The following ARAP2 variants were observed in gnomAD, a reference collection of about 807,000 sequenced individuals.
The protein encoded by ARAP2 is ArfGAP with RhoGAP domain, ankyrin repeat and PH domain 2, also known as arf-GAP with Rho-GAP domain, ANK repeat and PH domain-containing protein 2.
In ARAP2, 148 loss-of-function variants were observed where a neutral mutation model predicts 194.5. The ratio of observed to expected loss-of-function variants is 0.76; its 90% confidence interval spans 0.67 to 0.87. The LOEUF (loss-of-function observed/expected upper bound fraction) is 0.87. ARAP2 is among the 40% of genes least tolerant of loss of function. The pLI is 0.00. For synonymous variants in ARAP2, 695 were observed against 683.5 expected (o/e 1.02, Z -0.26); for missense variants, 2,128 against 1,989.7 (o/e 1.07, Z -1.32).
chr4:36,230,420 C>T (rs562648448), intron 1 of ARAP2, among the ~76,000 whole-genome samples: 1 of 152,178 alleles, frequency 6.6e-6, no homozygotes, highest in Non-Finnish European at 1.5e-5. Flanking sequence ...AAACAGGCAG[C>T]ATTGTATGTA....
At chr4:36,014,295 A>AAGAAG (rs1553861835) in intron 8 of ARAP2, among the ~76,000 whole-genome samples, 35 of 143,350 alleles carry the variant, frequency 2.4e-4, no homozygotes, top group African/African-American at 9.3e-4. Flanking sequence ...GAAAGAAAGA[A>AAGAAG]AGAAGAGAAG....
rs970703282 is a variant in ARAP2 at position 36,187,063 on chromosome 4, C to T, written c.1678+388G>A. Among the ~76,000 whole-genome samples, 6 of 152,330 alleles carry T rather than the reference C, an allele frequency of 3.9e-5. No individual in the cohort carries two copies. The South Asian group carries it at 6.2e-4, about 16-fold the overall frequency. On this transcript the variant is annotated intron_variant, in intron 8 of 32. Transcript: ENST00000303965. Reference sequence around the variant, plus strand: ...AAAGGTTGGGAACCACTGAGCCTGCCATAAATGTCCATATAACCAACTTAA... The same window carrying T: ...AAAGGTTGGGAACCACTGAGCCTGCTATAAATGTCCATATAACCAACTTAA...
Position 36,128,517 on chromosome 4 carries a change from T to A in ARAP2, c.3640+16A>T, listed in dbSNP as rs766961321. 4.9e-5 allele frequency: 59 copies of A among 1,214,918 alleles called. No homozygotes were observed. The highest frequency in any genetic ancestry group is 4.1e-4 in the Middle Eastern group (2 of 4,914). The allele number at this position is 1,214,918 out of a possible 1,614,324, so 75.3% of individuals were successfully genotyped here. ...ACACACACACACATATCTACAAATA[T>A]CTGTATAAATATTACCTAAAGCAGA... is the stretch of plus-strand genomic sequence containing the variant. On this transcript the variant is annotated intron_variant, in intron 21 of 32. Coordinates refer to ENST00000303965, the MANE Select transcript of ARAP2 (RefSeq NM_015230.4).
Position 36,121,244 on chromosome 4 carries a change from C to T in ARAP2, c.3829G>A (p.Gly1277Arg). 6.2e-7 allele frequency: 1 copy of T among 1,604,208 alleles called. No individual in the cohort carries two copies. Among genetic ancestry groups the T allele is most frequent in the Non-Finnish European group, 8.5e-7 (1 of 1,174,250 alleles). ...VFSSCLFQTK[G>R]QTSEEVNVIE... Reference sequence around the variant, plus strand: ...ACATTCACTTCTTCACTAGTTTGTCCCTTCGTTTGAAACAAACAGGATGAA... The same window carrying T: ...ACATTCACTTCTTCACTAGTTTGTCTCTTCGTTTGAAACAAACAGGATGAA... The change falls in exon 23 of 33, where the codon GGA (glycine) becomes AGA (arginine). Residue 1277 changes from glycine to arginine, a missense_variant. By Grantham distance (125) the Gly-to-Arg change is moderately radical (BLOSUM62 -2). Coordinates refer to ENST00000303965, the MANE Select transcript of ARAP2 (RefSeq NM_015230.4).
chr4:36,235,289 A>G (rs1033518492), intron 1 of ARAP2, among the ~76,000 whole-genome samples: 18 of 152,156 alleles, frequency 1.2e-4, no homozygotes, highest in African/African-American at 3.6e-4. Flanking sequence ...ATCACTCCCT[A>G]TGACTTCCAA....
In ARAP2 at chr4:36,155,703, C is replaced by T. The variant is rs1352612292; in HGVS notation, c.2752+3027G>A. Among the ~76,000 whole-genome samples the T allele has an allele frequency of 3.3e-5, 5 of 150,818 alleles. No individual in the cohort carries two copies. The East Asian group carries it at 7.8e-4, about 23-fold the overall frequency. ...TTTAGACCGAGTCTCGCTGTGTCTC[C>T]CAGGCTGGAAGTGCAGTGGCGCAAT... On this transcript the variant is annotated intron_variant, in intron 15 of 32. Transcript: ENST00000303965.
intron 26 of ARAP2, among the ~76,000 whole-genome samples, chr4:36,113,154 C>T (rs1424501254): frequency 6.6e-6 from 1 of 151,894 alleles, no homozygotes; most frequent in Admixed American, 6.6e-5. Flanking sequence ...GTAAAGTGAA[C>T]CCAGATGTGA....
intron 30 of ARAP2, 140 bp downstream of exon 30, chr4:36,082,111 C>G: frequency 1.3e-6 from 1 of 760,380 alleles, no homozygotes. Context: ...TTCTTAGGCT[C>G]AAAGTCTTTA....
intron 6 of ARAP2, among the ~76,000 whole-genome samples, chr4:36,208,103 G>T (rs925304748): frequency 6.6e-6 from 1 of 152,190 alleles, no homozygotes; most frequent in African/African-American, 2.4e-5. Flanking sequence ...TGTAAGCCCT[G>T]TAGAAGAAAG....
intron 6 of ARAP2, among the ~76,000 whole-genome samples, chr4:36,196,776 G>A (rs560958914): frequency 6.6e-6 from 1 of 151,770 alleles, no homozygotes; most frequent in East Asian, 2.0e-4. Flanking sequence ...AAAATCTGTG[G>A]GTACATACTC....
intron 21 of ARAP2, among the ~76,000 whole-genome samples, chr4:36,126,347 A>G (rs1175780748): frequency 6.6e-6 from 1 of 152,052 alleles, no homozygotes; most frequent in Non-Finnish European, 1.5e-5. Context: ...AAATCTTATA[A>G]AATAGATGAT....
At chr4:36,058,743 TAC>T (rs1401894336) in intron 1 of ARAP2, among the ~76,000 whole-genome samples, 1 of 152,226 alleles carries the variant, frequency 6.6e-6, no homozygotes, top group Non-Finnish European at 1.5e-5. Context: ...ATTCTAGGAA[TAC>T]AGTGGTTAAT....
intron 10 of ARAP2, chr4:36,006,408 T>C (rs1384934166): frequency 6.6e-6 from 1 of 152,210 alleles, no homozygotes; most frequent in Non-Finnish European, 1.5e-5. Flanking sequence ...ATAGCATTCT[T>C]ATGCAATTAC....
chr4:36,063,613 A>G (rs964038156), downstream of ARAP2, among the ~76,000 whole-genome samples: 8 of 152,194 alleles, frequency 5.3e-5, no homozygotes, highest in Admixed American at 2.0e-4. Flanking sequence ...TACCCTAAAC[A>G]TAAAAACAGC....
chr4:36,111,361 AGT>A (rs1406700930), intron 26 of ARAP2, among the ~76,000 whole-genome samples: 2 of 151,992 alleles, frequency 1.3e-5, no homozygotes, highest in African/African-American at 4.8e-5. Context: ...CACTGGCTTC[AGT>A]AAACCCACAT....
intron 11 of ARAP2, among the ~76,000 whole-genome samples, chr4:36,162,878 G>A (rs2375743): frequency 0.82 from 125,350 of 152,042 alleles, 51,721 homozygotes; most frequent in East Asian, 0.92. Flanking sequence ...TGGGTTTGAA[G>A]GAAAGAGGAA....
rs761761114 is a variant in ARAP2 at position 36,121,163 on chromosome 4, G to A, written c.3894+16C>T. 1.3e-6 allele frequency: 2 copies of A among 1,562,006 alleles called. No homozygotes were observed. Among genetic ancestry groups the A allele is most frequent in the African/African-American group, 1.4e-5 (1 of 73,014 alleles). Reference sequence around the variant, plus strand: ...ATTATAACCATTTTAACAAGGGCAGGATACAAAATAATTACCTCAAATATT... The same window carrying A: ...ATTATAACCATTTTAACAAGGGCAGAATACAAAATAATTACCTCAAATATT... On this transcript the variant is annotated intron_variant, in intron 23 of 32. Coordinates refer to ENST00000303965, the MANE Select transcript of ARAP2 (RefSeq NM_015230.4).
chr4:36,104,903 T>C (rs975799565), intron 27 of ARAP2, among the ~76,000 whole-genome samples: 1 of 152,010 alleles, frequency 6.6e-6, no homozygotes, highest in Non-Finnish European at 1.5e-5. Context: ...ATTTTTTTCA[T>C]GCAAAGTTCC....
At chr4:36,031,066 G>T (rs960707416) in intron 5 of ARAP2, among the ~76,000 whole-genome samples, 6 of 152,130 alleles carry the variant, frequency 3.9e-5, no homozygotes, top group Non-Finnish European at 5.9e-5. Context: ...GGAGGTGGAG[G>T]TTGCAGTGAG....
Sources: allele counts gnomAD v4.1 joint callset (sites outside exome capture counted in the v4.1 genomes callset), GRCh38; gene constraint gnomAD v4.1.1; transcripts MANE v1.5; gene names NCBI Gene and HGNC (gene_info 2026-07-23, HGNC 2026-07-21).